LY75: variants seen among roughly 807,000 people sequenced by gnomAD.
LY75 encodes C-type lectin domain family 13 member B.
Under a neutral mutation model 231.7 loss-of-function variants are expected in LY75, and 185 were observed. That is an observed-to-expected ratio of 0.80 (90% CI 0.71 to 0.90). LY75 has a LOEUF of 0.90. Ranked by LOEUF, LY75 falls within the 40% of genes least tolerant of loss-of-function variation. The pLI is 0.00. For synonymous variants in LY75, 668 were observed against 689.0 expected (o/e 0.97, Z 0.48); for missense variants, 1,947 against 2,050.2 (o/e 0.95, Z 0.97).
At chr2:159,810,496 T>C in intron 32 of LY75, 30 bp downstream of exon 32, 1 of 1,599,716 alleles carries the variant, frequency 6.3e-7, no homozygotes, top group Non-Finnish European at 8.5e-7. Context: ...AATTATTGAG[T>C]CATAAGAAAA....
chr2:159,838,618 G>A (rs1683907327), intron 25 of LY75, among the ~76,000 whole-genome samples: 1 of 152,038 alleles, frequency 6.6e-6, no homozygotes. Flanking sequence ...ACTGAAACTA[G>A]GAAATGTAAT....
rs905703662 is a variant in LY75 at position 159,864,744 on chromosome 2, T to C, written c.2199+95A>G. 7.2e-6 allele frequency: 9 copies of C among 1,253,592 alleles called. No homozygotes were observed. The African/African-American group carries it at 1.2e-4, about 17-fold the overall frequency. The allele number at this position is 1,253,592 out of a possible 1,614,324, so 77.7% of individuals were successfully genotyped here. On this transcript the variant is annotated intron_variant, in intron 14 of 34. Coordinates refer to ENST00000263636, the MANE Select transcript of LY75 (RefSeq NM_002349.4). Reference sequence around the variant, plus strand: ...ATTCAGGGTCTTTTGTGGTTCCATATAAATTTTAGGTGTCAATGTATTATT... The same window carrying C: ...ATTCAGGGTCTTTTGTGGTTCCATACAAATTTTAGGTGTCAATGTATTATT...
At chr2:159,859,577 G>T (rs1024364106) in intron 15 of LY75, among the ~76,000 whole-genome samples, 1 of 152,086 alleles carries the variant, frequency 6.6e-6, no homozygotes, top group Non-Finnish European at 1.5e-5. Context: ...CAAAATATCT[G>T]AACTAAAACA....
chr2:159,873,154 AAAG>A (rs1292871064), intron 12 of LY75, among the ~76,000 whole-genome samples: 1 of 152,076 alleles, frequency 6.6e-6, no homozygotes, highest in Non-Finnish European at 1.5e-5. Context: ...AAGAAAGAAG[AAAG>A]AAGAAAGAAG....
At chr2:159,815,182 T>C (rs1478614447) in intron 31 of LY75, among the ~76,000 whole-genome samples, 1 of 152,040 alleles carries the variant, frequency 6.6e-6, no homozygotes, top group Non-Finnish European at 1.5e-5. Context: ...TTTGCATTTT[T>C]AGTAGAGAAG....
intron 22 of LY75, 79 bp from the exon 23 acceptor site, chr2:159,850,219 G>C: frequency 6.6e-7 from 1 of 1,512,496 alleles, no homozygotes; most frequent in Non-Finnish European, 8.8e-7. Flanking sequence ...AATATATTTT[G>C]TTTATCTATC....
chr2:159,899,198 A>C lies in LY75; in HGVS notation c.95-139T>G, dbSNP rs62176694. On this transcript the variant is annotated intron_variant, in intron 1 of 34. Transcript: ENST00000263636. ...CTCTTTTTAAGCTGCAGGGGACTAC[A>C]AAAGGTGGGACAGTGGTGAGCAGAG... 1,694 of 1,461,270 alleles carry C rather than the reference A, an allele frequency of 1.2e-3. 1 individual carries two copies. Among genetic ancestry groups the C allele is most frequent in the Admixed American group, 3.6e-3 (163 of 45,498 alleles). The allele number at this position is 1,461,270 out of a possible 1,614,324, so 90.5% of individuals were successfully genotyped here.
intron 1 of LY75, among the ~76,000 whole-genome samples, chr2:159,900,705 A>C (rs980026903): frequency 6.6e-6 from 1 of 152,234 alleles, no homozygotes; most frequent in East Asian, 1.9e-4. Context: ...TTTTGTTTTA[A>C]ATAACAGAAG....
At chr2:159,840,653 C>T in intron 25 of LY75, 76 bp downstream of exon 25, 1 of 1,585,146 alleles carries the variant, frequency 6.3e-7, no homozygotes, top group Non-Finnish European at 8.6e-7. Flanking sequence ...TTTTAGTCTG[C>T]TGTGAGAGAA....
chr2:159,877,331 C>T (rs1051681143), intron 11 of LY75, among the ~76,000 whole-genome samples: 2 of 152,158 alleles, frequency 1.3e-5, no homozygotes, highest in Non-Finnish European at 2.9e-5. Context: ...AAATAATTCA[C>T]AGGGTGAAAA....
At chr2:159,865,984 A>C (rs1294659397) in intron 13 of LY75, among the ~76,000 whole-genome samples, 2 of 152,236 alleles carry the variant, frequency 1.3e-5, no homozygotes, top group African/African-American at 2.4e-5. Context: ...ATGTTTTCTA[A>C]AATTTATTAC....
intron 21 of LY75, among the ~76,000 whole-genome samples, 163 bp downstream of exon 21, chr2:159,852,038 A>G (rs1361758643): frequency 6.6e-6 from 1 of 152,218 alleles, no homozygotes; most frequent in East Asian, 1.9e-4. Context: ...TTAATTCTTG[A>G]TATCATCCAC....
intron 12 of LY75, 125 bp downstream of exon 12, chr2:159,875,317 CTG>C (rs1560094749): frequency 2.3e-6 from 3 of 1,320,852 alleles, no homozygotes; most frequent in South Asian, 1.5e-5. Context: ...GCCAAGGACT[CTG>C]TGCTCCAGAG....
intron 3 of LY75, among the ~76,000 whole-genome samples, chr2:159,892,039 T>C (rs903783049): frequency 3.3e-5 from 5 of 152,200 alleles, no homozygotes; most frequent in Admixed American, 2.0e-4. Context: ...TAATTAGATA[T>C]GTAATCCTCC....
At chr2:159,837,451 T>C (rs1683867520) in intron 25 of LY75, among the ~76,000 whole-genome samples, 1 of 152,096 alleles carries the variant, frequency 6.6e-6, no homozygotes, top group African/African-American at 2.4e-5. Flanking sequence ...TGGGTACACA[T>C]GGATGTAAAG....
intron 34 of LY75, among the ~76,000 whole-genome samples, chr2:159,806,253 T>C (rs141440596): frequency 3.9e-5 from 6 of 152,294 alleles, no homozygotes; most frequent in Non-Finnish European, 7.4e-5. Context: ...TCTGTCTTGT[T>C]CTCAGGTGCA....
intron 5 of LY75, 128 bp from the exon 6 acceptor site, chr2:159,885,421 AAATTGAAACGT>A (rs147045492): frequency 0.011 from 13,607 of 1,221,466 alleles, 93 homozygotes; most frequent in Non-Finnish European, 0.013. Context: ...AAACTTAACT[AAATTGAAACGT>A]ATAAGCCTCA....
At chr2:159,810,158 C>T (rs1379757694) in intron 32 of LY75, among the ~76,000 whole-genome samples, 3 of 152,134 alleles carry the variant, frequency 2.0e-5, no homozygotes, top group African/African-American at 4.8e-5. Flanking sequence ...CTCAGCCTCC[C>T]GAGTAGCTGG....
intron 2 of LY75, 116 bp from the exon 3 acceptor site, chr2:159,894,200 T>C (rs1685842598): frequency 1.0e-5 from 13 of 1,286,504 alleles, no homozygotes; most frequent in Non-Finnish European, 1.4e-5. Flanking sequence ...AATATCCGAG[T>C]GTAGGAATTC....
Sources: gnomAD v4.1 joint callset for allele counts (sites outside exome capture counted in the v4.1 genomes callset) on GRCh38, gnomAD v4.1.1 for gene constraint, MANE v1.5 for transcripts, NCBI Gene and HGNC (gene_info 2026-07-23, HGNC 2026-07-21) for gene names.